The following WDR72 variants were observed in gnomAD, a reference collection of about 807,000 sequenced individuals.
The protein encoded by WDR72 is WD repeat domain 72.
A neutral mutation model predicts 124.2 loss-of-function variants in WDR72; 120 were observed. That is an observed-to-expected ratio of 0.97 (90% confidence interval 0.83 to 1.12). The LOEUF (loss-of-function observed/expected upper bound fraction) is 1.12, where lower values mean the gene tolerates loss of function less well. WDR72 is among the 50% of genes most tolerant of loss of function. The pLI, the probability that WDR72 is intolerant of heterozygous loss-of-function variation, is 0.00. For synonymous variants in WDR72, 452 were observed against 441.7 expected (o/e 1.02, Z -0.29); for missense variants, 1,387 against 1,278.8 (o/e 1.08, Z -1.29).
intron 18 of WDR72, among the ~76,000 whole-genome samples, chr15:53,543,769 A>G (rs1350323157): frequency 6.6e-6 from 1 of 152,192 alleles, no homozygotes; most frequent in Non-Finnish European, 1.5e-5. Context: ...AGAAAAAAAG[A>G]GAGAAGAATC....
intron 14 of WDR72, among the ~76,000 whole-genome samples, chr15:53,622,691 G>T (rs1251990977): frequency 6.6e-6 from 1 of 151,982 alleles, no homozygotes; most frequent in South Asian, 2.1e-4. Flanking sequence ...TAATACCTAG[G>T]TGATGGGTTT....
At position 53,515,698 on chromosome 15, in the gene WDR72, A is replaced by G. The variant is rs570222318; in HGVS notation, c.*2001T>C. On this transcript the variant is annotated 3_prime_UTR_variant, in exon 20 of 20. Transcript: ENST00000360509. Reference sequence around the variant, plus strand: ...CACTTAGTAATGTCAGGGTTGTGCCAGTTCTAATTTCCCATAGCTAGTAAC... The same window carrying G: ...CACTTAGTAATGTCAGGGTTGTGCCGGTTCTAATTTCCCATAGCTAGTAAC... 6.6e-6 allele frequency: 1 copy of G among 152,320 alleles called. No individual in the cohort carries two copies. The highest frequency in any genetic ancestry group is 2.4e-5 in the African/African-American group (1 of 41,588). The allele number at this position is 152,320 out of a possible 1,614,324, so 9.4% of individuals were successfully genotyped here.
intron 13 of WDR72, among the ~76,000 whole-genome samples, chr15:53,695,548 A>G (rs1279841738): frequency 6.6e-6 from 1 of 152,148 alleles, no homozygotes; most frequent in African/African-American, 2.4e-5. Flanking sequence ...CCTAAACATC[A>G]TGGGACATCC....
At chr15:53,708,813 C>T (rs2017457010) in intron 9 of WDR72, among the ~76,000 whole-genome samples, 1 of 152,078 alleles carries the variant, frequency 6.6e-6, no homozygotes, top group Non-Finnish European at 1.5e-5. Flanking sequence ...TGGCTGAGAC[C>T]CTGGGAAAAC....
intron 18 of WDR72, among the ~76,000 whole-genome samples, chr15:53,595,241 A>C (rs2012715848): frequency 6.6e-6 from 1 of 152,094 alleles, no homozygotes; most frequent in Non-Finnish European, 1.5e-5. Flanking sequence ...ACCACACTTT[A>C]ATCCAAATGT....
At chr15:53,676,190 C>T (rs550004538) in intron 13 of WDR72, among the ~76,000 whole-genome samples, 1 of 152,272 alleles carries the variant, frequency 6.6e-6, no homozygotes, top group Admixed American at 6.5e-5. Flanking sequence ...GTAGGACTGT[C>T]CTACCTGACC....
intron 18 of WDR72, among the ~76,000 whole-genome samples, chr15:53,540,685 G>A (rs529897679): frequency 3.3e-5 from 5 of 152,226 alleles, no homozygotes; most frequent in South Asian, 2.1e-4. Context: ...AGCTCCCAGC[G>A]TGAGCGACGC....
Position 53,615,825 on chromosome 15 carries a change from G to T in WDR72, c.2381C>A (p.Thr794Lys). 4 of 1,613,602 alleles carry T rather than the reference G, an allele frequency of 2.5e-6. No individual in the cohort carries two copies. The highest frequency in any genetic ancestry group is 3.4e-6 in the Non-Finnish European group (4 of 1,179,656). ...RKVDASLTIDTAKLFLSCLLP... is the reference protein window; with the variant it reads ...RKVDASLTIDKAKLFLSCLLP... ...AAGGCAAGACAGAAACAATTTTGCT[G>T]TGTCTATTGTGAGACTGGCATCTAC... Residue 794 changes from threonine (T) to lysine (K), a missense_variant, in exon 15 of 20, where the codon ACA becomes AAA. Coordinates refer to ENST00000360509, the MANE Select transcript of WDR72 (RefSeq NM_182758.4).
At chr15:53,737,651 TA>T (rs2018395545) in intron 1 of WDR72, among the ~76,000 whole-genome samples, 1 of 151,994 alleles carries the variant, frequency 6.6e-6, no homozygotes, top group Non-Finnish European at 1.5e-5. Flanking sequence ...TCAAAATACA[TA>T]AAACACAATA....
At chr15:53,522,147 G>C (rs909248548) in intron 19 of WDR72, among the ~76,000 whole-genome samples, 1 of 151,966 alleles carries the variant, frequency 6.6e-6, no homozygotes, top group Non-Finnish European at 1.5e-5. Context: ...TTGGGGTTCC[G>C]AGATGACTTA....
chr15:53,573,261 A>T (rs1894620491), intron 18 of WDR72, among the ~76,000 whole-genome samples: 2 of 152,102 alleles, frequency 1.3e-5, no homozygotes, highest in South Asian at 4.1e-4. Flanking sequence ...ATTATGAATA[A>T]CTCTAAGGTG....
chr15:53,611,249 T>C (rs1341198385), intron 16 of WDR72, among the ~76,000 whole-genome samples: 1 of 152,108 alleles, frequency 6.6e-6, no homozygotes, highest in Non-Finnish European at 1.5e-5. Context: ...CATCTTCCTA[T>C]TATTTTTTTG....
intron 18 of WDR72, among the ~76,000 whole-genome samples, chr15:53,531,215 T>C (rs10518726): frequency 0.3 from 45,974 of 151,978 alleles, 7,603 homozygotes; most frequent in Middle Eastern, 0.37. Context: ...CAAAGTGGTA[T>C]GTTAGCTACT....
chr15:53,652,119 A>T (rs2015263428), intron 14 of WDR72: 1 of 152,236 alleles, frequency 6.6e-6, no homozygotes, highest in South Asian at 2.1e-4. Context: ...TAAAGAGAAC[A>T]TCTCTGGTAC....
chr15:53,644,854 T>C (rs547157914), intron 14 of WDR72, among the ~76,000 whole-genome samples: 2 of 152,142 alleles, frequency 1.3e-5, no homozygotes, highest in East Asian at 1.9e-4. Context: ...GAGCTTACAA[T>C]AGAGACAACA....
At chr15:53,626,063 T>C (rs1286428669) in intron 14 of WDR72, among the ~76,000 whole-genome samples, 1 of 152,088 alleles carries the variant, frequency 6.6e-6, no homozygotes, top group Non-Finnish European at 1.5e-5. Context: ...TGTGAAAAAA[T>C]TTGACCTGCC....
intron 18 of WDR72, among the ~76,000 whole-genome samples, chr15:53,537,433 C>G (rs1418124286): frequency 6.6e-6 from 1 of 152,098 alleles, no homozygotes; most frequent in Non-Finnish European, 1.5e-5. Context: ...AAATGAAAGA[C>G]AAGTAGTTTA....
chr15:53,592,681 A>G (rs1160270088), intron 18 of WDR72, among the ~76,000 whole-genome samples: 1 of 152,110 alleles, frequency 6.6e-6, no homozygotes, highest in Non-Finnish European at 1.5e-5. Context: ...AATAATTCCA[A>G]GGTGACAGTT....
At chr15:53,554,886 C>T (rs62005905) in intron 18 of WDR72, among the ~76,000 whole-genome samples, 35,505 of 151,926 alleles carry the variant, frequency 0.23, 4,247 homozygotes, top group African/African-American at 0.29. Context: ...ACAAAAACCC[C>T]GATTTGTACT....
Sources: allele counts gnomAD v4.1 joint callset (sites outside exome capture counted in the v4.1 genomes callset), GRCh38; gene constraint gnomAD v4.1.1; transcripts MANE v1.5; gene names NCBI Gene and HGNC (gene_info 2026-07-23, HGNC 2026-07-21).